The following MSRA variants were observed in gnomAD, a reference collection of about 807,000 sequenced individuals.
The protein encoded by MSRA is mitochondrial peptide methionine sulfoxide reductase.
A neutral mutation model predicts 31.3 loss-of-function variants in MSRA; 54 were observed. The ratio of observed to expected loss-of-function variants is 1.73; its 90% CI spans 1.39 to 2.17. The LOEUF (loss-of-function observed/expected upper bound fraction) is 2.17. Among genes scored for constraint, MSRA ranks in the 30% most tolerant of loss-of-function variants. The pLI, the probability that MSRA is intolerant of heterozygous loss-of-function variation, is 0.00. For synonymous variants in MSRA, 169 were observed against 116.5 expected (o/e 1.45, Z -2.90); for missense variants, 507 against 300.9 (o/e 1.69, Z -5.07).
intron 5 of MSRA, among the ~76,000 whole-genome samples, chr8:10,397,840 C>T (rs1289601952): frequency 6.6e-6 from 1 of 152,056 alleles, no homozygotes; most frequent in Non-Finnish European, 1.5e-5. Flanking sequence ...ACTTTTTATT[C>T]CTGTCATTCT....
intron 1 of MSRA, among the ~76,000 whole-genome samples, chr8:10,062,902 A>G (rs972565345): frequency 2.0e-5 from 3 of 152,048 alleles, no homozygotes; most frequent in Non-Finnish European, 4.4e-5. Context: ...CACCATTTCC[A>G]CTGGAATTCC....
chr8:10,262,206 G>T (rs900403053), intron 3 of MSRA, among the ~76,000 whole-genome samples: 2 of 152,130 alleles, frequency 1.3e-5, no homozygotes, highest in Admixed American at 1.3e-4. Flanking sequence ...AGGTTTTTAT[G>T]TGCACATAAG....
intron 3 of MSRA, among the ~76,000 whole-genome samples, chr8:10,279,018 G>A (rs1032333825): frequency 1.3e-5 from 2 of 152,064 alleles, no homozygotes; most frequent in Non-Finnish European, 2.9e-5. Flanking sequence ...GCCCCGTGAT[G>A]GTTATTTTTA....
At chr8:10,132,969 A>G (rs1178068318) in intron 1 of MSRA, among the ~76,000 whole-genome samples, 1 of 152,142 alleles carries the variant, frequency 6.6e-6, no homozygotes, top group African/African-American at 2.4e-5. Flanking sequence ...CCTCAAATAT[A>G]TTTCACTTGT....
intron 1 of MSRA, among the ~76,000 whole-genome samples, chr8:10,123,200 C>G (rs1293629601): frequency 2.0e-5 from 3 of 152,164 alleles, no homozygotes; most frequent in African/African-American, 7.2e-5. Flanking sequence ...TATGTTTTGA[C>G]TTTTTAGTAA....
intron 2 of MSRA, among the ~76,000 whole-genome samples, chr8:10,230,071 TC>T (rs1811336536): frequency 6.6e-6 from 1 of 152,256 alleles, no homozygotes; most frequent in East Asian, 1.9e-4. Flanking sequence ...GCAGATTTTT[TC>T]CACCCGAGGA....
At chr8:10,100,713 G>C (rs964630500) in intron 1 of MSRA, among the ~76,000 whole-genome samples, 1 of 152,156 alleles carries the variant, frequency 6.6e-6, no homozygotes, top group East Asian at 1.9e-4. Context: ...AAGTTTGGCC[G>C]TGAGTTGTGC....
intron 1 of MSRA, among the ~76,000 whole-genome samples, chr8:10,145,795 C>G (rs1242466295): frequency 6.6e-6 from 1 of 152,108 alleles, no homozygotes; most frequent in Non-Finnish European, 1.5e-5. Context: ...TACACACATA[C>G]ACACACAGAT....
intron 1 of MSRA, among the ~76,000 whole-genome samples, chr8:10,174,343 G>A (rs945462780): frequency 5.3e-5 from 8 of 152,114 alleles, no homozygotes; most frequent in Non-Finnish European, 4.4e-5. Context: ...GCAGGTGAGC[G>A]AAGGCATGGC....
At chr8:10,119,987 C>T (rs545052734) in intron 1 of MSRA, among the ~76,000 whole-genome samples, 8 of 152,226 alleles carry the variant, frequency 5.3e-5, no homozygotes, top group African/African-American at 7.2e-5. Context: ...AGTATTGAAC[C>T]GTGATATAGG....
Position 10,428,304 on chromosome 8 carries a change from A to G in MSRA, c.700A>G (p.Lys234Glu). 1.9e-6 allele frequency: 3 copies of G among 1,611,120 alleles called. No individual in the cohort carries two copies. Among genetic ancestry groups the G allele is most frequent in the Non-Finnish European group, 2.5e-6 (3 of 1,179,488 alleles). ...CGGCGTGTCCTGCCCAGTGGGTATT[A>G]AAAAATAATTTCTCCCCACATGGTG... ...GTGVSCPVGI[K>E]K Residue 234 changes from lysine to glutamate, a missense_variant, in exon 6 of 6, where the codon AAA (lysine) becomes GAA (glutamate). Lys to Glu is a moderately conservative substitution (Grantham distance 56). Coordinates refer to ENST00000317173, the MANE Select transcript of MSRA (RefSeq NM_012331.5).
intron 5 of MSRA, among the ~76,000 whole-genome samples, chr8:10,363,246 G>C (rs555950861): frequency 6.6e-6 from 1 of 152,308 alleles, no homozygotes; most frequent in East Asian, 1.9e-4. Flanking sequence ...TCAGGCCTTT[G>C]AACCAAGTTC....
At chr8:10,276,313 C>G (rs979481073) in intron 3 of MSRA, among the ~76,000 whole-genome samples, 5 of 152,204 alleles carry the variant, frequency 3.3e-5, no homozygotes, top group African/African-American at 9.6e-5. Flanking sequence ...CATATATAAT[C>G]CACCCAACAG....
chr8:10,242,504 G>T (rs961967285), intron 2 of MSRA, among the ~76,000 whole-genome samples: 4 of 152,164 alleles, frequency 2.6e-5, no homozygotes, highest in Non-Finnish European at 5.9e-5. Flanking sequence ...CCAGGTGGTG[G>T]TTGTAAGGGT....
chr8:10,349,851 G>A (rs1423086314), intron 5 of MSRA, among the ~76,000 whole-genome samples: 1 of 152,234 alleles, frequency 6.6e-6, no homozygotes, highest in Non-Finnish European at 1.5e-5. Context: ...CTGTCTGTGA[G>A]GCTCACTGCT....
At chr8:10,163,247 C>T (rs967650931) in intron 1 of MSRA, among the ~76,000 whole-genome samples, 6 of 152,116 alleles carry the variant, frequency 3.9e-5, no homozygotes, top group Non-Finnish European at 7.4e-5. Context: ...TGTGGCAGTT[C>T]GTTATAGCAG....
intron 1 of MSRA, among the ~76,000 whole-genome samples, chr8:10,074,024 A>C (rs181837561): frequency 5.4e-5 from 5 of 91,866 alleles, no homozygotes; most frequent in African/African-American, 2.3e-4. Flanking sequence ...CTTTTTAGTT[A>C]CATAGTTCCA....
chr8:10,161,443 C>G (rs1239427047), intron 1 of MSRA, among the ~76,000 whole-genome samples: 1 of 152,160 alleles, frequency 6.6e-6, no homozygotes, highest in Non-Finnish European at 1.5e-5. Flanking sequence ...AAGGCCCAAC[C>G]TTCCATAGAA....
At chr8:10,206,952 C>A (rs1325357776) in intron 1 of MSRA, among the ~76,000 whole-genome samples, 1 of 152,238 alleles carries the variant, frequency 6.6e-6, no homozygotes, top group Non-Finnish European at 1.5e-5. Flanking sequence ...TGAACCCAGC[C>A]AATCCAGTGT....
Sources: allele counts gnomAD v4.1 joint callset (sites outside exome capture counted in the v4.1 genomes callset), GRCh38; gene constraint gnomAD v4.1.1; transcripts MANE v1.5; gene names NCBI Gene and HGNC (gene_info 2026-07-23, HGNC 2026-07-21).